Variants in TMEM217 observed in about 807,000 individuals in gnomAD.
TMEM217 encodes the protein transmembrane protein 217.
For missense variants in TMEM217, 204 were observed against 248.8 expected (o/e 0.82, Z 1.21); for synonymous variants, 76 against 88.3 (o/e 0.86, Z 0.78).
At chr6:37,214,584 A>G (rs1170163061), downstream of TMEM217, among the ~76,000 whole-genome samples, 1 of 150,682 alleles carries the variant, frequency 6.6e-6, no homozygotes, top group African/African-American at 2.4e-5. Context: ...ATAAACATCA[A>G]CTCCCCATTC....
chr6:37,247,322 C>T (rs549571373), intron 1 of TMEM217, among the ~76,000 whole-genome samples: 14 of 151,236 alleles, frequency 9.3e-5, no homozygotes, highest in African/African-American at 2.2e-4. Flanking sequence ...GACAGAAACA[C>T]GAGTGGGGAA....
At chr6:37,227,914 AT>A (rs1033353790) in intron 1 of TMEM217, among the ~76,000 whole-genome samples, 46 of 152,264 alleles carry the variant, frequency 3.0e-4, no homozygotes, top group African/African-American at 1.1e-3. Context: ...TAGGAAAAAA[AT>A]GATCCAATAC....
Position 37,219,044 on chromosome 6 carries a change from G to C in TMEM217, c.-11-3C>G, listed in dbSNP as rs1373027827. 4.4e-6 allele frequency: 7 copies of C among 1,606,572 alleles called. No individual in the cohort carries two copies. The highest frequency in any genetic ancestry group is 5.1e-6 in the Non-Finnish European group (6 of 1,174,718). On this transcript the variant is annotated splice_polypyrimidine_tract_variant and splice_region_variant and intron_variant, in intron 1 of 1. Coordinates refer to ENST00000357219, the Ensembl canonical transcript of TMEM217. ...CTGCTGTTTCATGCTGAGACCTCCT[G>C]TGAAGACAAACAACATGAGGGAGAA...
At chr6:37,243,710 T>C (rs895950040) in intron 1 of TMEM217, among the ~76,000 whole-genome samples, 9 of 152,224 alleles carry the variant, frequency 5.9e-5, no homozygotes, top group African/African-American at 2.2e-4. Context: ...GCGATTCTCC[T>C]GCCTCAGCAT....
At chr6:37,215,596 A>G (rs1252878527), downstream of TMEM217, among the ~76,000 whole-genome samples, 2 of 147,940 alleles carry the variant, frequency 1.4e-5, no homozygotes, top group East Asian at 2.0e-4. Context: ...AAAAAAAAAA[A>G]AAAAAGAAAA....
chr6:37,219,127 A>G, intron 1 of TMEM217, 86 bp from the exon 2 acceptor site: 1 of 1,206,638 alleles, frequency 8.3e-7, no homozygotes, highest in Non-Finnish European at 1.2e-6. Context: ...CCCCAAATCT[A>G]CTTTGGAGAA....
intron 1 of TMEM217, among the ~76,000 whole-genome samples, chr6:37,240,370 C>A (rs1764706093): frequency 6.6e-6 from 1 of 152,190 alleles, no homozygotes; most frequent in South Asian, 2.1e-4. Context: ...TGACTGTTGG[C>A]AGGAAGCCAC....
At chr6:37,241,529 A>C (rs1177951088) in intron 1 of TMEM217, among the ~76,000 whole-genome samples, 1 of 152,152 alleles carries the variant, frequency 6.6e-6, no homozygotes, top group Non-Finnish European at 1.5e-5. Context: ...AGGTGCTGGC[A>C]GGATCCAAGG....
rs1763337584 is a variant in TMEM217, at chr6:37,218,421, C to G, written c.*1G>C. The G allele has an allele frequency of 1.3e-6, 2 of 1,592,198 alleles. No homozygotes were observed. Among genetic ancestry groups the G allele is most frequent in the Non-Finnish European group, 1.7e-6 (2 of 1,166,878 alleles). ...TGAACTCCTGACCTCAGGCGATCCA[C>G]CTACCTCTGCCTCTCAAAGTACTGG... is the stretch of plus-strand genomic sequence containing the variant. On this transcript the variant is annotated 3_prime_UTR_variant, in exon 2 of 2. Coordinates refer to ENST00000357219, the Ensembl canonical transcript of TMEM217.
At chr6:37,216,749 C>T (rs1475657055), downstream of TMEM217, among the ~76,000 whole-genome samples, 2 of 152,016 alleles carry the variant, frequency 1.3e-5, no homozygotes, top group East Asian at 3.9e-4. Context: ...AAAGATGGGG[C>T]CTTTAGGAGG....
At chr6:37,247,351 G>GA (rs570724053) in intron 1 of TMEM217, among the ~76,000 whole-genome samples, 1 of 151,534 alleles carries the variant, frequency 6.6e-6, no homozygotes, top group Non-Finnish European at 1.5e-5. Flanking sequence ...AAGTGATATA[G>GA]GGGAAGGAAG....
chr6:37,237,928 C>A (rs1764579360), intron 1 of TMEM217, among the ~76,000 whole-genome samples: 1 of 152,092 alleles, frequency 6.6e-6, no homozygotes, highest in Non-Finnish European at 1.5e-5. Context: ...ATGATGATCA[C>A]CTTGGCCAGG....
At chr6:37,234,761 C>T (rs1764401894) in intron 1 of TMEM217, among the ~76,000 whole-genome samples, 1 of 151,488 alleles carries the variant, frequency 6.6e-6, no homozygotes, top group Admixed American at 6.6e-5. Context: ...AAATAAATAT[C>T]GGTATACACA....
intron 1 of TMEM217, among the ~76,000 whole-genome samples, chr6:37,235,028 T>A (rs1764415762): frequency 6.6e-6 from 1 of 152,194 alleles, no homozygotes; most frequent in African/African-American, 2.4e-5. Context: ...CTGGTGTGGC[T>A]TTTTAAAAAA....
At chr6:37,227,877 T>C (rs765498543) in intron 1 of TMEM217, among the ~76,000 whole-genome samples, 7 of 151,974 alleles carry the variant, frequency 4.6e-5, no homozygotes, top group Non-Finnish European at 8.8e-5. Flanking sequence ...GTATATATCT[T>C]GAGATATATA....
At chr6:37,216,326 G>A (rs918055604), downstream of TMEM217, among the ~76,000 whole-genome samples, 3 of 152,072 alleles carry the variant, frequency 2.0e-5, no homozygotes, top group East Asian at 1.9e-4. Context: ...TGATCCGCCC[G>A]CTTTGGCCTC....
At chr6:37,251,583 G>A (rs1388085453) in intron 1 of TMEM217, among the ~76,000 whole-genome samples, 1 of 152,178 alleles carries the variant, frequency 6.6e-6, no homozygotes, top group Non-Finnish European at 1.5e-5. Context: ...ACAGTATGAT[G>A]TTATTTATAA....
At chr6:37,229,335 GTTTTT>G (rs372385535) in intron 1 of TMEM217, among the ~76,000 whole-genome samples, 3 of 74,368 alleles carry the variant, frequency 4.0e-5, no homozygotes, top group African/African-American at 1.1e-4. Context: ...GCAACTTTCA[GTTTTT>G]TTTTTTTTTT....
rs1468328786 is a variant in TMEM217 at position 37,228,604 on chromosome 6, TGA to T, written c.-11-9565_-11-9564del. The stretch of plus-strand genomic sequence containing the variant: ...CTGTAGTCCCAGATACTCGGGAGGC[TGA>T]GAGAGGAGAATTGCTTTAACCTGGG... On this transcript the variant is annotated intron_variant, in intron 1 of 1. Transcript: ENST00000357219. Among the ~76,000 whole-genome samples, 5 of 149,600 alleles carry T rather than the reference TGA, an allele frequency of 3.3e-5. No homozygotes were observed. The East Asian group carries it at 7.9e-4, about 24-fold the overall frequency.
Sources: gnomAD v4.1 joint callset for allele counts (sites outside exome capture counted in the v4.1 genomes callset) on GRCh38, gnomAD v4.1.1 for gene constraint, MANE v1.5 for transcripts, NCBI Gene and HGNC (gene_info 2026-07-23, HGNC 2026-07-21) for gene names.